The following CROCC variants were observed in gnomAD, a reference collection of about 807,000 sequenced individuals.
The protein encoded by CROCC is ciliary rootlet coiled-coil, rootletin.
In CROCC, 180 loss-of-function variants were observed where a neutral mutation model predicts 245.2. The observed-to-expected ratio is 0.73, with a 90% confidence interval of 0.65 to 0.83. The LOEUF is 0.83. CROCC is among the 40% of genes least tolerant of loss of function. The pLI, the probability that CROCC is intolerant of heterozygous loss-of-function variation, is 0.00. For missense variants in CROCC, 2,688 were observed against 2,779.4 expected (o/e 0.97, Z 0.74); for synonymous variants, 1,205 against 1,241.6 (o/e 0.97, Z 0.62).
At chr1:16,936,594 G>A in intron 8 of CROCC, 43 bp from the exon 9 acceptor site, 1 of 1,509,806 alleles carries the variant, frequency 6.6e-7, no homozygotes, top group South Asian at 1.3e-5. Flanking sequence ...TTTGTAGTTG[G>A]GAGCAAGCCC....
At chr1:16,936,941 G>C (rs1425130703) in intron 9 of CROCC, 68 bp downstream of exon 9, 1 of 1,473,214 alleles carries the variant, frequency 6.8e-7, no homozygotes, top group Non-Finnish European at 9.4e-7. Context: ...GAGTTGGGGA[G>C]AAGGGAGCAT....
At position 16,946,959 on chromosome 1, in the gene CROCC, G is replaced by A; in HGVS notation, c.2482G>A (p.Glu828Lys). 1 of 1,556,272 alleles carries A rather than the reference G, an allele frequency of 6.4e-7. No homozygotes were observed. Among genetic ancestry groups the A allele is most frequent in the Non-Finnish European group, 8.7e-7 (1 of 1,150,756 alleles). Residue 828 changes from glutamate (E) to lysine (K), a missense_variant, in exon 17 of 37, where the codon GAG becomes AAG. This residue lies in a region of CROCC where 295 missense variants were observed against 241.7 expected (regional missense o/e 1.22). Transcript: ENST00000375541. ...LEQQLPTLRH[E>K]RSQLQEQLAQ... The stretch of plus-strand genomic sequence containing the variant: ...GCAGCAGCTCCCCACGCTGCGCCAT[G>A]AGCGCAGCCAGCTGCAGGAGCAGCT...
intron 27 of CROCC, among the ~76,000 whole-genome samples, chr1:16,964,947 C>T (rs2076394720): frequency 1.3e-5 from 2 of 152,296 alleles, no homozygotes; most frequent in African/African-American, 2.4e-5. Flanking sequence ...TCCCAGAGTG[C>T]TGGGATTACA....
intron 2 of CROCC, among the ~76,000 whole-genome samples, chr1:16,924,078 T>C (rs3936146): frequency 0.86 from 131,274 of 152,250 alleles, 56,009 homozygotes; most frequent in East Asian, 0.89. Flanking sequence ...CTAGACTGAG[T>C]GTCTCTCCTG....
chr1:16,943,793 G>GACACAATT (rs1173763517), intron 13 of CROCC, among the ~76,000 whole-genome samples: 1 of 152,284 alleles, frequency 6.6e-6, no homozygotes, highest in Admixed American at 6.5e-5. Flanking sequence ...CAGAGCTGGT[G>GACACAATT]GCACAATTGC....
intron 8 of CROCC, among the ~76,000 whole-genome samples, chr1:16,934,665 G>A (rs1004223625): frequency 1.3e-5 from 2 of 152,234 alleles, no homozygotes; most frequent in Non-Finnish European, 2.9e-5. Flanking sequence ...TTTTACTTTT[G>A]ATTAAGTCAC....
chr1:16,971,743 G>A (rs1048202709), intron 36 of CROCC, 96 bp downstream of exon 36: 3 of 1,231,012 alleles, frequency 2.4e-6, no homozygotes, highest in African/African-American at 1.5e-5. Context: ...ATAGGCAGTC[G>A]ATGGCTCCCG....
At chr1:16,916,183 C>CAAAAAAAAAAAAAAAAAAAAA (rs58710425) in intron 1 of CROCC, among the ~76,000 whole-genome samples, 45 of 107,590 alleles carry the variant, frequency 4.2e-4, no homozygotes, top group African/African-American at 1.3e-3. Context: ...GACTCTGCCT[C>CAAAAAAAAAAAAAAAAAAAAA]AAAAAAAAAG....
Position 16,966,038 on chromosome 1 carries a change from C to A in CROCC, c.4615C>A (p.Leu1539Met). The change falls in exon 29 of 37, where the codon CTG becomes ATG. Residue 1539 changes from leucine to methionine, a missense_variant. Around this residue, in one of 9 missense-constraint regions of CROCC, gnomAD observed 1,218 missense variants for 1,286.3 expected, o/e 0.95. Coordinates refer to ENST00000375541, the MANE Select transcript of CROCC (RefSeq NM_014675.5). The surrounding 1 kb of genome is among the most constrained non-coding windows in gnomAD (Gnocchi z 4.8). ...RTQTSALNRQ[L>M]AEMEAERDSA... ...CCAGACCAGTGCCCTGAATCGCCAGCTGGCCGAGATGGAGGCTGAGAGGGA... is the reference window on the plus strand; with the variant it reads ...CCAGACCAGTGCCCTGAATCGCCAGATGGCCGAGATGGAGGCTGAGAGGGA... 1.2e-6 allele frequency: 2 copies of A among 1,613,896 alleles called. No individual in the cohort carries two copies. The highest frequency in any genetic ancestry group is 1.7e-6 in the Non-Finnish European group (2 of 1,179,830).
rs149118092 is a variant in CROCC at position 16,955,417 on chromosome 1, C to T, written c.3571C>T (p.Arg1191Trp). Residue 1191 changes from arginine to tryptophan, a missense_variant, in exon 24 of 37, where the codon CGG (arginine) becomes TGG (tryptophan). Around this residue, in one of 9 missense-constraint regions of CROCC, gnomAD observed 1,218 missense variants for 1,286.3 expected, o/e 0.95. Coordinates refer to ENST00000375541, the MANE Select transcript of CROCC (RefSeq NM_014675.5). ...CAAGCTGCGTGAGAGCCAGGAGGGC[C>T]GGGAGGTGCAGCGCCAGGAGGCAGG... ...QRKLRESQEG[R>W]EVQRQEAGEL... 165 of 1,602,182 alleles carry T rather than the reference C, an allele frequency of 1.0e-4. No homozygotes were observed. In the East Asian group the frequency reaches 2.4e-3, roughly 23 times the overall value.
rs1345128117 is a variant in CROCC at position 16,960,986 on chromosome 1, C to T, written c.4261C>T (p.Arg1421Cys). Residue 1421 changes from arginine (R) to cysteine (C), a missense_variant, in exon 27 of 37, where the codon CGC becomes TGC. Coordinates refer to ENST00000375541, the MANE Select transcript of CROCC (RefSeq NM_014675.5). ...RAQGLEAELA[R>C]VEVQRRAAEA... Reference sequence around the variant, plus strand: ...ACAAGGCCTGGAGGCCGAGCTGGCCCGCGTGGAGGTGCAGCGGCGCGCGGC... The same window carrying T: ...ACAAGGCCTGGAGGCCGAGCTGGCCTGCGTGGAGGTGCAGCGGCGCGCGGC... The T allele has an allele frequency of 2.2e-6, 3 of 1,335,948 alleles. No individual in the cohort carries two copies. Among genetic ancestry groups the T allele is most frequent in the Non-Finnish European group, 2.9e-6 (3 of 1,050,856 alleles). 82.8% of individuals were successfully genotyped at this position (1,335,948 alleles called of 1,614,324 possible). A position where few individuals can be genotyped will look rare whatever the true frequency, so the allele number is the denominator to read the frequency against.
chr1:16,917,438 G>C (rs1207921377), upstream of CROCC, among the ~76,000 whole-genome samples: 1 of 152,170 alleles, frequency 6.6e-6, no homozygotes, highest in African/African-American at 2.4e-5. Flanking sequence ...TAATCTTTGA[G>C]GGGCTTTTTG....
At chr1:16,916,183 C>CAAAAAAAAAA (rs58710425) in intron 1 of CROCC, among the ~76,000 whole-genome samples, 2 of 107,964 alleles carry the variant, frequency 1.9e-5, no homozygotes, top group African/African-American at 6.5e-5. Context: ...GACTCTGCCT[C>CAAAAAAAAAA]AAAAAAAAAG....
intron 3 of CROCC, 135 bp downstream of exon 3, chr1:16,924,614 T>C: frequency 1.6e-6 from 2 of 1,220,620 alleles, no homozygotes; most frequent in Non-Finnish European, 2.3e-6. Context: ...ATTGAGGCTC[T>C]GCCACCTTGA....
upstream of CROCC, among the ~76,000 whole-genome samples, chr1:16,918,738 G>GTT (rs68022839): frequency 0.026 from 3,788 of 143,716 alleles, 96 homozygotes; most frequent in Admixed American, 0.048. Context: ...TTAGTTTTTT[G>GTT]TTTTTGTTTT....
intron 20 of CROCC, among the ~76,000 whole-genome samples, chr1:16,952,451 CTCCA>C (rs1222963300): frequency 6.6e-6 from 1 of 151,708 alleles, no homozygotes. Context: ...CGCCACTGCA[CTCCA>C]GCCTGGGTGA....
chr1:16,926,953 G>A (rs1482697168), intron 3 of CROCC, among the ~76,000 whole-genome samples: 1 of 152,270 alleles, frequency 6.6e-6, no homozygotes, highest in African/African-American at 2.4e-5. Flanking sequence ...GGGGTGAGGT[G>A]TGGCCGAGAG....
At chr1:16,936,612 C>G (rs1273310621) in intron 8 of CROCC, 25 bp from the exon 9 acceptor site, 1 of 1,554,134 alleles carries the variant, frequency 6.4e-7, no homozygotes, top group African/African-American at 1.4e-5. Flanking sequence ...CCCCATCCAT[C>G]CCCAGCCTGT....
intron 8 of CROCC, among the ~76,000 whole-genome samples, chr1:16,935,381 T>C (rs2075765808): frequency 6.6e-6 from 1 of 152,272 alleles, no homozygotes; most frequent in Non-Finnish European, 1.5e-5. Context: ...GAGGTGGCTC[T>C]GTGTCAGGCC....
Sources: allele counts gnomAD v4.1 joint callset (sites outside exome capture counted in the v4.1 genomes callset), GRCh38; gene constraint gnomAD v4.1.1; regional missense constraint gnomAD v4.1.1; non-coding constraint Gnocchi (gnomAD v3.1); transcripts MANE v1.5; gene names NCBI Gene and HGNC (gene_info 2026-07-23, HGNC 2026-07-21).